The following SLC6A5 variants were observed in gnomAD, a reference collection of about 807,000 sequenced individuals.
The protein encoded by SLC6A5 is sodium- and chloride-dependent glycine transporter 2.
In SLC6A5, 58 loss-of-function variants were observed where a neutral mutation model predicts 90.5. The ratio of observed to expected loss-of-function variants is 0.64; its 90% confidence interval spans 0.52 to 0.80. SLC6A5 has a LOEUF of 0.80. Among genes scored for constraint, SLC6A5 ranks in the 30% least tolerant of loss-of-function variants. SLC6A5 has a pLI of 0.00. For synonymous variants in SLC6A5, 427 were observed against 401.4 expected (o/e 1.06, Z -0.76); for missense variants, 1,015 against 1,017.6 (o/e 1.00, Z 0.03).
At chr11:20,608,210 T>C (rs527820748) in intron 5 of SLC6A5, among the ~76,000 whole-genome samples, 2 of 152,186 alleles carry the variant, frequency 1.3e-5, no homozygotes, top group Non-Finnish European at 2.9e-5. Context: ...AGTGGACCCT[T>C]AGACCACTCT....
At chr11:20,629,754 G>C (rs1226116460) in intron 9 of SLC6A5, among the ~76,000 whole-genome samples, 2 of 149,022 alleles carry the variant, frequency 1.3e-5, no homozygotes, top group Non-Finnish European at 3.0e-5. Flanking sequence ...TTTTGAGATG[G>C]AGTTTCGCTC....
At chr11:20,647,411 G>GT (rs1303593700) in intron 14 of SLC6A5, among the ~76,000 whole-genome samples, 8,560 of 110,420 alleles carry the variant, frequency 0.078, 352 homozygotes, top group Middle Eastern at 0.12. Flanking sequence ...CTATTATATA[G>GT]GAATTCCTAT....
At chr11:20,644,020 A>C (rs12800775) in intron 13 of SLC6A5, among the ~76,000 whole-genome samples, 41,938 of 152,082 alleles carry the variant, frequency 0.28, 6,116 homozygotes, top group Middle Eastern at 0.4. Flanking sequence ...AGTACAATGT[A>C]CATACATGAT....
intron 13 of SLC6A5, among the ~76,000 whole-genome samples, chr11:20,646,245 C>T (rs975577248): frequency 2.6e-5 from 4 of 152,070 alleles, no homozygotes; most frequent in Admixed American, 6.5e-5. Flanking sequence ...GATGAGTGAC[C>T]AAGAAGACAG....
chr11:20,606,301 CACTT>C lies in SLC6A5; in HGVS notation c.680-703_680-700del, dbSNP rs974443764. Among the ~76,000 whole-genome samples the C allele has an allele frequency of 6.6e-5, 10 of 152,188 alleles. No individual in the cohort carries two copies. The East Asian group carries it at 9.6e-4, about 15-fold the overall frequency. On this transcript the variant is annotated intron_variant, in intron 3 of 15. Coordinates refer to ENST00000525748, the MANE Select transcript of SLC6A5 (RefSeq NM_004211.5). ...TTAGGGGCTCACAGGCTGAATAAGA[CACTT>C]ACATAAAAATTATCAAGTGATCGGT...
Position 20,601,444 on chromosome 11 carries a change from C to A in SLC6A5, c.319C>A (p.Pro107Thr). 1 of 1,607,850 alleles carries A rather than the reference C, an allele frequency of 6.2e-7. No homozygotes were observed. ...LREAQGAQAS[P>T]PPGSSGPGNA... The stretch of plus-strand genomic sequence containing the variant: ...AGAGGCGCAAGGCGCGCAGGCCTCG[C>A]CCCCTCCCGGGAGCTCCGGGCCCGG... Residue 107 changes from proline (P) to threonine (T), a missense_variant, in exon 2 of 16, where the codon CCC becomes ACC. This residue lies in a region of SLC6A5 where 567 missense variants were observed against 507.3 expected (regional missense o/e 1.12). Coordinates refer to ENST00000525748, the MANE Select transcript of SLC6A5 (RefSeq NM_004211.5).
At chr11:20,618,160 C>A (rs1368065750) in intron 7 of SLC6A5, among the ~76,000 whole-genome samples, 1 of 152,072 alleles carries the variant, frequency 6.6e-6, no homozygotes, top group African/African-American at 2.4e-5. Context: ...CCTTCCTTTC[C>A]TCTCAGGGGC....
intron 13 of SLC6A5, 136 bp downstream of exon 13, chr11:20,638,694 C>T: frequency 1.4e-6 from 1 of 707,126 alleles, no homozygotes; most frequent in Non-Finnish European, 2.6e-6. Context: ...AAGAGAGCTG[C>T]ACTTTTGTTT....
At chr11:20,623,475 C>G (rs1021882955) in intron 7 of SLC6A5, among the ~76,000 whole-genome samples, 1 of 152,084 alleles carries the variant, frequency 6.6e-6, no homozygotes, top group East Asian at 1.9e-4. Context: ...GGAGCCATCC[C>G]CATTCTTTGT....
In SLC6A5 at chr11:20,601,518, T is replaced by C. The variant is rs748806793; in HGVS notation, c.393T>C (p.Asp131=). 5.0e-6 allele frequency: 8 copies of C among 1,614,108 alleles called. No individual in the cohort carries two copies. In the East Asian group the frequency reaches 1.6e-4, roughly 31 times the overall value. Residue 131 remains aspartate (D), a synonymous_variant, in exon 2 of 16, where the codon GAT becomes GAC. Coordinates refer to ENST00000525748, the MANE Select transcript of SLC6A5 (RefSeq NM_004211.5). ...KIPFLRGPEG[D]ANVSVGKGTL... ...CTTTTCTGCGAGGCCCGGAGGGGGA[T>C]GCGAACGTGAGTGTGGGCAAGGGCA...
chr11:20,614,550 C>T (rs1852749156), intron 5 of SLC6A5, 129 bp from the exon 6 acceptor site: 2 of 866,858 alleles, frequency 2.3e-6, no homozygotes, highest in Admixed American at 1.9e-5. Context: ...CCCAGTTAAT[C>T]CTTTCCTGAA....
At chr11:20,652,484 A>C in intron 15 of SLC6A5, 28 bp downstream of exon 15, 1 of 1,599,532 alleles carries the variant, frequency 6.3e-7, no homozygotes, top group Non-Finnish European at 8.6e-7. Context: ...TTTCCCTCCC[A>C]ATTCCTCCCA....
In SLC6A5 at chr11:20,646,970, C is replaced by T. The variant is rs757573244; in HGVS notation, c.2070+36C>T. On this transcript the variant is annotated intron_variant, in intron 14 of 15. Transcript: ENST00000525748. ...TGCATGTTTTCTTGTGCAGACAGCA[C>T]CTTGCATACGTATGTGGTGTTTTAC... 12 of 1,297,238 alleles carry T rather than the reference C, an allele frequency of 9.3e-6. No homozygotes were observed. In the South Asian group the frequency reaches 1.1e-4, roughly 11 times the overall value. 80.4% of individuals were successfully genotyped at this position (1,297,238 alleles called of 1,614,324 possible).
rs1295716312 is a variant in SLC6A5 at position 20,655,229 on chromosome 11, G to C, written c.*361G>C. ...GTGATGGCATGGGGGGTGCCAGTAA[G>C]GCATGTATAGAGTGGCCGAATTACA... is the stretch of plus-strand genomic sequence containing the variant. On this transcript the variant is annotated 3_prime_UTR_variant, in exon 16 of 16. Transcript: ENST00000525748. The C allele has an allele frequency of 8.4e-6, 3 of 355,162 alleles. No homozygotes were observed. The highest frequency in any genetic ancestry group is 1.7e-5 in the Non-Finnish European group (3 of 181,640). The allele number at this position is 355,162 out of a possible 1,614,324, so 22.0% of individuals were successfully genotyped here. A position where few individuals can be genotyped will look rare whatever the true frequency, so the allele number is the denominator to read the frequency against.
At position 20,617,740 on chromosome 11, in the gene SLC6A5, T is replaced by C; in HGVS notation, c.1128-12T>C. ...TTCTATCACTCCCCCCATCCCTCCC[T>C]CCAACTCTCAGGTACTTTGTGCTGA... On this transcript the variant is annotated splice_polypyrimidine_tract_variant and intron_variant, in intron 6 of 15. Coordinates refer to ENST00000525748, the MANE Select transcript of SLC6A5 (RefSeq NM_004211.5). 6.2e-7 allele frequency: 1 copy of C among 1,613,144 alleles called. No homozygotes were observed. The highest frequency in any genetic ancestry group is 8.5e-7 in the Non-Finnish European group (1 of 1,179,506).
intron 13 of SLC6A5, among the ~76,000 whole-genome samples, chr11:20,642,141 A>G (rs1853326166): frequency 6.6e-6 from 1 of 150,682 alleles, no homozygotes; most frequent in Non-Finnish European, 1.5e-5. Context: ...AAAAAAAAAT[A>G]TGAAGTTCAA....
intron 7 of SLC6A5, among the ~76,000 whole-genome samples, chr11:20,622,143 A>G (rs1852903644): frequency 6.6e-6 from 1 of 152,186 alleles, no homozygotes. Context: ...TGACAATACA[A>G]TGTGGAAACA....
intron 5 of SLC6A5, among the ~76,000 whole-genome samples, chr11:20,609,260 C>T (rs1374148965): frequency 6.6e-6 from 1 of 151,904 alleles, no homozygotes; most frequent in Admixed American, 6.6e-5. Flanking sequence ...CTATCTCATT[C>T]TTACCCAGTG....
intron 7 of SLC6A5, among the ~76,000 whole-genome samples, chr11:20,625,966 A>C (rs146159762): frequency 1.3e-5 from 2 of 152,210 alleles, no homozygotes; most frequent in Non-Finnish European, 2.9e-5. Flanking sequence ...ATCTTTATGC[A>C]GCTGATGCCT....
Sources: gnomAD v4.1 joint callset for allele counts (sites outside exome capture counted in the v4.1 genomes callset) on GRCh38, gnomAD v4.1.1 for gene constraint, gnomAD v4.1.1 regional missense constraint, MANE v1.5 for transcripts, NCBI Gene and HGNC (gene_info 2026-07-23, HGNC 2026-07-21) for gene names.